The following REC114 variants were observed in gnomAD, a reference collection of about 807,000 sequenced individuals.
The protein encoded by REC114 is meiotic recombination protein REC114.
REC114 carries 27 observed loss-of-function variants against 31.3 expected under a neutral mutation model. That is an observed-to-expected ratio of 0.86 (90% CI 0.64 to 1.19). The LOEUF (loss-of-function observed/expected upper bound fraction) is 1.19, where lower values mean the gene tolerates loss of function less well. REC114 is among the 50% of genes most tolerant of loss of function. REC114 has a pLI of 0.00. For synonymous variants in REC114, 134 were observed against 127.7 expected, an observed-to-expected ratio of 1.05 and a Z score of -0.33; for missense variants, 344 against 326.9, an observed-to-expected ratio of 1.05 and a Z score of -0.40.
chr15:73,514,142 C>T (rs1197609906), intron 2 of REC114, among the ~76,000 whole-genome samples: 3 of 151,914 alleles, frequency 2.0e-5, no homozygotes, highest in African/African-American at 4.8e-5. Flanking sequence ...GATATAGTCT[C>T]GTGGTGCGCC....
intron 3 of REC114, among the ~76,000 whole-genome samples, chr15:73,544,898 C>T (rs61286510): frequency 0.017 from 2,603 of 152,246 alleles, 80 homozygotes; most frequent in African/African-American, 0.059. Context: ...CTAAAACCAG[C>T]GGGAAAACCC....
intron 2 of REC114, among the ~76,000 whole-genome samples, chr15:73,518,013 T>C (rs1017257211): frequency 6.6e-6 from 1 of 152,352 alleles, no homozygotes; most frequent in East Asian, 1.9e-4. Flanking sequence ...TGGTTAACTA[T>C]GTTGAATATT....
At chr15:73,444,299 G>T (rs535542119) in intron 1 of REC114, among the ~76,000 whole-genome samples, 2 of 152,096 alleles carry the variant, frequency 1.3e-5, no homozygotes, top group African/African-American at 4.8e-5. Flanking sequence ...CTGTTTAATG[G>T]CATTTTTACC....
intron 2 of REC114, among the ~76,000 whole-genome samples, chr15:73,490,759 C>T (rs1893430615): frequency 6.6e-6 from 1 of 152,046 alleles, no homozygotes; most frequent in South Asian, 2.1e-4. Context: ...TAAATGTATT[C>T]AACTATATAA....
At chr15:73,548,936 C>G (rs1334277205) in intron 3 of REC114, among the ~76,000 whole-genome samples, 1 of 152,080 alleles carries the variant, frequency 6.6e-6, no homozygotes, top group Non-Finnish European at 1.5e-5. Context: ...AACAGAAAAC[C>G]AAATACCACA....
At chr15:73,465,659 ATCT>A (rs1381641297) in intron 1 of REC114, among the ~76,000 whole-genome samples, 4 of 152,128 alleles carry the variant, frequency 2.6e-5, no homozygotes, top group Non-Finnish European at 2.9e-5. Flanking sequence ...TTTTTTTAAC[ATCT>A]TCTTCCCCTG....
chr15:73,455,574 G>C (rs553826857), intron 1 of REC114, among the ~76,000 whole-genome samples: 552 of 152,198 alleles, frequency 3.6e-3, no homozygotes, highest in African/African-American at 0.013. Context: ...TGAGAGGGAA[G>C]ATCAATTCTG....
intron 4 of REC114, among the ~76,000 whole-genome samples, chr15:73,552,495 G>GT (rs1491277864): frequency 1.3e-5 from 2 of 151,686 alleles, no homozygotes; most frequent in South Asian, 2.1e-4. Context: ...TTTAAATTCC[G>GT]TGTTAGTTTC....
intron 2 of REC114, among the ~76,000 whole-genome samples, chr15:73,499,081 G>T (rs1595870601): frequency 6.6e-6 from 1 of 151,976 alleles, no homozygotes; most frequent in Non-Finnish European, 1.5e-5. Context: ...CATGTCATTG[G>T]TCTACCAAGT....
intron 2 of REC114, among the ~76,000 whole-genome samples, chr15:73,508,718 G>C (rs1220721143): frequency 2.0e-5 from 3 of 148,882 alleles, no homozygotes; most frequent in African/African-American, 7.4e-5. Context: ...TCTTGCGATA[G>C]TTTACTGAGA....
Position 73,554,916 on chromosome 15 carries a change from C to G in REC114, c.547-1386C>G, listed in dbSNP as rs139815396. Among the ~76,000 whole-genome samples, 1,339 of 152,322 alleles carry G rather than the reference C, an allele frequency of 8.8e-3. 13 individuals are homozygous for G. Among genetic ancestry groups the G allele is most frequent in the Non-Finnish European group, 0.016 (1,108 of 68,022 alleles). ...ATGTCATAGCTGAAGAAACACTAGG[C>G]ACTAGAGGCTGCCTTGTTTTTACAG... On this transcript the variant is annotated intron_variant, in intron 4 of 5. Coordinates refer to ENST00000331090, the MANE Select transcript of REC114 (RefSeq NM_001042367.2).
chr15:73,455,553 G>T (rs879880683), intron 1 of REC114, among the ~76,000 whole-genome samples: 1 of 152,074 alleles, frequency 6.6e-6, no homozygotes, highest in African/African-American at 2.4e-5. Context: ...CCTAAGACTC[G>T]AAGTCCTAGT....
chr15:73,560,000 G>A lies in REC114; in HGVS notation c.*84G>A. On this transcript the variant is annotated 3_prime_UTR_variant, in exon 6 of 6. Coordinates refer to ENST00000331090, the MANE Select transcript of REC114 (RefSeq NM_001042367.2). ...AAATTAAAGAAGATATTAGAATAAA[G>A]AGTATTATCCAAACACCTTTTATCA... 2 of 1,312,932 alleles carry A rather than the reference G, an allele frequency of 1.5e-6. No individual in the cohort carries two copies. The highest frequency in any genetic ancestry group is 2.6e-5 in the East Asian group (1 of 38,886). The allele number at this position is 1,312,932 out of a possible 1,614,324, so 81.3% of individuals were successfully genotyped here. A position where few individuals can be genotyped will look rare whatever the true frequency, so the allele number is the denominator to read the frequency against.
intron 3 of REC114, among the ~76,000 whole-genome samples, chr15:73,541,140 A>G (rs995824136): frequency 2.0e-5 from 3 of 152,170 alleles, no homozygotes; most frequent in African/African-American, 7.2e-5. Context: ...TCAGACTCTG[A>G]GAGTTAGACG....
At chr15:73,525,091 T>A (rs990761066) in intron 2 of REC114, among the ~76,000 whole-genome samples, 1 of 152,146 alleles carries the variant, frequency 6.6e-6, no homozygotes, top group African/African-American at 2.4e-5. Flanking sequence ...AGTGCAAAGG[T>A]CATGGCAATA....
intron 1 of REC114, among the ~76,000 whole-genome samples, chr15:73,460,988 T>G (rs1049203672): frequency 2.0e-5 from 3 of 152,156 alleles, no homozygotes; most frequent in Admixed American, 6.5e-5. Context: ...CTGGATAATT[T>G]CATGATCAAT....
intron 2 of REC114, among the ~76,000 whole-genome samples, chr15:73,510,108 T>C (rs1893741041): frequency 6.6e-6 from 1 of 152,028 alleles, no homozygotes; most frequent in African/African-American, 2.4e-5. Flanking sequence ...TGTATCCTCT[T>C]TTATTTCTTT....
intron 2 of REC114, among the ~76,000 whole-genome samples, chr15:73,474,283 TAAAG>T (rs1893179056): frequency 1.3e-5 from 2 of 152,146 alleles, no homozygotes; most frequent in East Asian, 1.9e-4. Flanking sequence ...TTTGCAGAAA[TAAAG>T]AAAACAAAAA....
At chr15:73,552,487 T>A (rs978208625) in intron 4 of REC114, among the ~76,000 whole-genome samples, 9 of 152,246 alleles carry the variant, frequency 5.9e-5, no homozygotes, top group Non-Finnish European at 1.2e-4. Context: ...TGAACATTTT[T>A]AAATTCCGTG....
Sources: gnomAD v4.1 joint callset for allele counts (sites outside exome capture counted in the v4.1 genomes callset) on GRCh38, gnomAD v4.1.1 for gene constraint, MANE v1.5 for transcripts, NCBI Gene and HGNC (gene_info 2026-07-23, HGNC 2026-07-21) for gene names.